IL1RAP: variants seen among roughly 807,000 people sequenced by gnomAD.
IL1RAP encodes interleukin-1 receptor accessory protein.
A neutral mutation model predicts 60.7 loss-of-function variants in IL1RAP; 35 were observed. The observed-to-expected ratio is 0.58, with a 90% CI of 0.44 to 0.76. IL1RAP has a LOEUF of 0.76. Among genes scored for constraint, IL1RAP ranks in the 30% least tolerant of loss-of-function variants. The pLI, the probability that IL1RAP is intolerant of heterozygous loss-of-function variation, is 0.00. For missense variants in IL1RAP, 572 were observed against 693.9 expected, an observed-to-expected ratio of 0.82 and a Z score of 1.97; for synonymous variants, 268 against 250.9, an observed-to-expected ratio of 1.07 and a Z score of -0.64.
intron 4 of IL1RAP, among the ~76,000 whole-genome samples, chr3:190,606,619 A>G (rs745827167): frequency 2.0e-5 from 3 of 152,228 alleles, no homozygotes; most frequent in Non-Finnish European, 4.4e-5. Flanking sequence ...GTAGAGCTGC[A>G]TGACTATTAA....
At chr3:190,640,436 G>A (rs1251590283) in intron 9 of IL1RAP, among the ~76,000 whole-genome samples, 4 of 152,158 alleles carry the variant, frequency 2.6e-5, no homozygotes, top group Admixed American at 6.5e-5. Flanking sequence ...TAACATCTGC[G>A]AGTTAATTTA....
At chr3:190,571,072 G>A (rs1354805952) in intron 3 of IL1RAP, among the ~76,000 whole-genome samples, 3 of 152,118 alleles carry the variant, frequency 2.0e-5, no homozygotes, top group East Asian at 1.9e-4. Context: ...TACTGCATAC[G>A]TGTAGATACT....
At chr3:190,656,298 C>T (rs937766956), downstream of IL1RAP, 3 of 1,537,122 alleles carry the variant, frequency 2.0e-6, no homozygotes, top group African/African-American at 2.7e-5. Context: ...AACTTCAGAG[C>T]TCAGAGAGGG....
intron 3 of IL1RAP, among the ~76,000 whole-genome samples, chr3:190,583,947 G>T (rs559129929): frequency 1.3e-5 from 2 of 152,120 alleles, no homozygotes; most frequent in Non-Finnish European, 2.9e-5. Context: ...TAAGAAGTCT[G>T]TGAATTTTGA....
At position 190,557,806 on chromosome 3, in the gene IL1RAP, T is replaced by C. The variant is rs952856865; in HGVS notation, c.-2+1590T>C. ...TAAAATATATTTCTAATTAATGCAC[T>C]GTAACATTAACTTTTTTGGGAGTAC... On this transcript the variant is annotated intron_variant, in intron 2 of 11. Transcript: ENST00000447382. Among the ~76,000 whole-genome samples, 6 of 152,340 alleles carry C rather than the reference T, an allele frequency of 3.9e-5. No homozygotes were observed. In the South Asian group the frequency reaches 8.3e-4, roughly 21 times the overall value.
chr3:190,532,509 G>GT (rs1723080407), intron 1 of IL1RAP, among the ~76,000 whole-genome samples: 1 of 152,054 alleles, frequency 6.6e-6, no homozygotes, highest in Non-Finnish European at 1.5e-5. Context: ...TGATCTGCCC[G>GT]CCTCGGCCTC....
intron 3 of IL1RAP, among the ~76,000 whole-genome samples, chr3:190,574,638 A>C (rs541175455): frequency 2.6e-5 from 4 of 152,140 alleles, no homozygotes; most frequent in African/African-American, 7.2e-5. Flanking sequence ...AGCAGTGTAG[A>C]GTTCTAGAAA....
intron 9 of IL1RAP, among the ~76,000 whole-genome samples, chr3:190,643,428 G>T (rs6776132): frequency 0.027 from 4,102 of 152,256 alleles, 203 homozygotes; most frequent in African/African-American, 0.094. Context: ...GGTTGTGACA[G>T]ACCTTGATTA....
intron 8 of IL1RAP, among the ~76,000 whole-genome samples, chr3:190,628,264 G>A (rs1378626038): frequency 1.3e-5 from 2 of 152,168 alleles, no homozygotes; most frequent in Non-Finnish European, 2.9e-5. Context: ...ATATGACAAA[G>A]TAATGTAGCT....
chr3:190,618,788 T>C (rs1731506372), intron 5 of IL1RAP, among the ~76,000 whole-genome samples: 1 of 152,228 alleles, frequency 6.6e-6, no homozygotes. Flanking sequence ...AAGTATTGCT[T>C]ATCTTACAGG....
chr3:190,623,244 A>G, intron 6 of IL1RAP, 100 bp from the exon 7 acceptor site: 4 of 861,468 alleles, frequency 4.6e-6, no homozygotes, highest in Non-Finnish European at 2.0e-6. Context: ...ACAACTGACA[A>G]ACTATGCCAG....
intron 1 of IL1RAP, among the ~76,000 whole-genome samples, chr3:190,530,396 A>G (rs1487129588): frequency 1.3e-5 from 2 of 152,194 alleles, no homozygotes; most frequent in African/African-American, 4.8e-5. Context: ...GGATTCTATT[A>G]TAATAATCAA....
At chr3:190,630,127 G>T in intron 9 of IL1RAP, 1 of 779,768 alleles carries the variant, frequency 1.3e-6, no homozygotes, top group Non-Finnish European at 1.6e-6. Flanking sequence ...CAATATTTAA[G>T]CAGGTTTATA....
At chr3:190,514,745 G>A (rs1721356663) in intron 1 of IL1RAP, among the ~76,000 whole-genome samples, 1 of 152,202 alleles carries the variant, frequency 6.6e-6, no homozygotes, top group Admixed American at 6.5e-5. Context: ...CCTTCAGAGG[G>A]TGTCGGACCA....
At chr3:190,635,520 A>G (rs922986903) in intron 9 of IL1RAP, among the ~76,000 whole-genome samples, 2 of 152,198 alleles carry the variant, frequency 1.3e-5, no homozygotes, top group Admixed American at 6.5e-5. Flanking sequence ...TAGTTTAACT[A>G]AATCCAACAA....
At chr3:190,631,720 G>A (rs1732804542) in intron 9 of IL1RAP, among the ~76,000 whole-genome samples, 1 of 152,190 alleles carries the variant, frequency 6.6e-6, no homozygotes, top group African/African-American at 2.4e-5. Context: ...CTTATTGACA[G>A]CAAAATTTCA....
chr3:190,568,752 A>G (rs1726645490), intron 3 of IL1RAP, among the ~76,000 whole-genome samples: 1 of 152,208 alleles, frequency 6.6e-6, no homozygotes, highest in African/African-American at 2.4e-5. Flanking sequence ...TTATGAAGGA[A>G]CACTATGCAT....
At chr3:190,606,493 A>G (rs751793070) in intron 4 of IL1RAP, among the ~76,000 whole-genome samples, 4 of 152,188 alleles carry the variant, frequency 2.6e-5, no homozygotes, top group African/African-American at 9.7e-5. Flanking sequence ...CTGTTTAACT[A>G]TGGTCTCCAC....
chr3:190,629,763 G>C (rs1732625873), intron 9 of IL1RAP: 1 of 1,155,582 alleles, frequency 8.7e-7, no homozygotes, highest in Non-Finnish European at 1.1e-6. Flanking sequence ...ACAATTTTGT[G>C]TCTGTACAAT....
Sources: gnomAD v4.1 joint callset for allele counts (sites outside exome capture counted in the v4.1 genomes callset) on GRCh38, gnomAD v4.1.1 for gene constraint, MANE v1.5 for transcripts, NCBI Gene and HGNC (gene_info 2026-07-23, HGNC 2026-07-21) for gene names.